PPP1R12C: variants seen among roughly 807,000 people sequenced by gnomAD.
PPP1R12C encodes the protein protein phosphatase 1 regulatory subunit 12C, also known as leukocyte receptor cluster (LRC) encoded novel gene 3.
PPP1R12C carries 48 observed loss-of-function variants against 95.6 expected under a neutral mutation model. The observed-to-expected ratio is 0.50, with a 90% CI of 0.40 to 0.64. The LOEUF (loss-of-function observed/expected upper bound fraction) is 0.64, where lower values mean the gene tolerates loss of function less well. Among genes scored for constraint, PPP1R12C ranks in the 30% least tolerant of loss-of-function variants. The probability of loss-of-function intolerance (pLI) is 0.00; values close to 1 mark genes in which losing one functional copy is unlikely to be tolerated. For missense variants in PPP1R12C, 1,057 were observed against 1,083.3 expected (o/e 0.98, Z 0.34); for synonymous variants, 480 against 460.8 (o/e 1.04, Z -0.53).
rs2084977743 is a variant in PPP1R12C, at chr19:55,101,419, C to G, written c.731+1990G>C. Among the ~76,000 whole-genome samples the G allele has an allele frequency of 2.6e-5, 4 of 152,224 alleles. No individual in the cohort carries two copies. The South Asian group carries it at 8.3e-4, about 32-fold the overall frequency. ...TACTAACAGTACCCACACAGGCCCC[C>G]TGGCCGGACACAGGCCACCCAGCTG... On this transcript the variant is annotated intron_variant, in intron 4 of 21. Transcript: ENST00000263433.
At chr19:55,112,316 CA>C in intron 3 of PPP1R12C, 150 bp downstream of exon 3, 1 of 684,860 alleles carries the variant, frequency 1.5e-6, no homozygotes, top group Non-Finnish European at 2.4e-6. Context: ...CCTACACCCC[CA>C]TTTCACAGGT....
rs1439924623 is a variant in PPP1R12C at position 55,092,997 on chromosome 19, C to A, written c.1825+19G>T. 1.3e-6 allele frequency: 2 copies of A among 1,567,342 alleles called. No individual in the cohort carries two copies. The highest frequency in any genetic ancestry group is 2.7e-5 in the African/African-American group (2 of 73,698). On this transcript the variant is annotated intron_variant, in intron 15 of 21. Transcript: ENST00000263433. ...CTGGATGATTCCCTGGGAATGACCT[C>A]CCCGAGAGCAGACCTCACCTCTCTG...
At position 55,109,032 on chromosome 19, in the gene PPP1R12C, C is replaced by A. The variant is rs538592940; in HGVS notation, c.571+3435G>T. On this transcript the variant is annotated intron_variant, in intron 3 of 21. Transcript: ENST00000263433. This position sits in a 1 kb window ranked among gnomAD's most constrained non-coding sequence, Gnocchi z 4.4. ...ATGGGCCACATGTTGATTTTCCATTCATTCGATGATGGGCACTAGGTTGCT... is the reference window on the plus strand; with the variant it reads ...ATGGGCCACATGTTGATTTTCCATTAATTCGATGATGGGCACTAGGTTGCT... 1.3e-5 allele frequency among the ~76,000 whole-genome samples: 2 copies of A among 152,174 alleles called. No individual in the cohort carries two copies. The highest frequency in any genetic ancestry group is 4.8e-5 in the African/African-American group (2 of 41,436).
intron 14 of PPP1R12C, 23 bp from the exon 15 acceptor site, chr19:55,093,099 C>G (rs150236000): frequency 6.2e-7 from 1 of 1,612,256 alleles, no homozygotes; most frequent in Non-Finnish European, 8.5e-7. Flanking sequence ...GGAGGCGAGT[C>G]AGGGAAGCAG....
chr19:55,099,191 C>A, intron 4 of PPP1R12C, 96 bp from the exon 5 acceptor site: 4 of 1,369,156 alleles, frequency 2.9e-6, no homozygotes, highest in Non-Finnish European at 3.9e-6. Context: ...TCCCAGGCCA[C>A]GAGACTGAAA....
intron 1 of PPP1R12C, chr19:55,113,071 T>G (rs2085115735): frequency 1.8e-6 from 1 of 561,250 alleles, no homozygotes; most frequent in African/African-American, 1.9e-5. Flanking sequence ...GCTTCTCATC[T>G]GGGTGCGGGA....
At chr19:55,098,732 AGCTGAGGG>A in intron 6 of PPP1R12C, 44 bp downstream of exon 6, 1 of 1,601,188 alleles carries the variant, frequency 6.2e-7, no homozygotes, top group South Asian at 1.1e-5. Context: ...TCCTCTGAGG[AGCTGAGGG>A]GACATGGGGA....
intron 3 of PPP1R12C, among the ~76,000 whole-genome samples, chr19:55,104,132 C>T (rs527900330): frequency 3.7e-5 from 5 of 134,174 alleles, no homozygotes; most frequent in African/African-American, 1.4e-4. Flanking sequence ...CACTGCACTC[C>T]AGCCTGGGCA....
intron 1 of PPP1R12C, chr19:55,113,244 G>C: frequency 1.7e-6 from 1 of 581,110 alleles, no homozygotes; most frequent in South Asian, 3.6e-5. Flanking sequence ...GTCCTTCCAA[G>C]GGTCAAGCTC....
intron 3 of PPP1R12C, among the ~76,000 whole-genome samples, chr19:55,108,108 A>G (rs1041336141): frequency 6.6e-6 from 1 of 151,748 alleles, no homozygotes; most frequent in Non-Finnish European, 1.5e-5. Context: ...GCTAACTTTT[A>G]TATTTTCAGC....
chr19:55,117,151 A>C, intron 1 of PPP1R12C, 72 bp downstream of exon 1: 1 of 1,149,544 alleles, frequency 8.7e-7, no homozygotes, highest in Non-Finnish European at 1.1e-6. Context: ...GGCAACGGGG[A>C]AGGAGGATGC....
At position 55,107,689 on chromosome 19, in the gene PPP1R12C, G is replaced by A. The variant is rs1001259831; in HGVS notation, c.572-4121C>T. Among the ~76,000 whole-genome samples the A allele has an allele frequency of 8.2e-5, 11 of 134,906 alleles. No homozygotes were observed. The South Asian group carries it at 2.0e-3, about 24-fold the overall frequency. 88.5% of individuals were successfully genotyped at this position (134,906 alleles called of 152,430 possible). A position where few individuals can be genotyped will look rare whatever the true frequency, so the allele number is the denominator to read the frequency against. ...CACAGGAAGGGGAACATCACACACT[G>A]GGGCCTGTCGTGGGGTGGGGGGAGG... On this transcript the variant is annotated intron_variant, in intron 3 of 21. Coordinates refer to ENST00000263433, the MANE Select transcript of PPP1R12C (RefSeq NM_017607.4).
At chr19:55,093,348 C>G in intron 13 of PPP1R12C, 115 bp from the exon 14 acceptor site, 1 of 118,696 alleles carries the variant, frequency 8.4e-6, no homozygotes, top group Non-Finnish European at 1.6e-5. Flanking sequence ...GAGCCCAGAC[C>G]CCAGCCCCTC....
At chr19:55,113,980 G>A (rs45620341) in intron 1 of PPP1R12C, 27,694 of 148,246 alleles carry the variant, frequency 0.19, 2,641 homozygotes, top group Middle Eastern at 0.31. Context: ...CAGCCCTTCC[G>A]CCCTCAGATG....
intron 4 of PPP1R12C, among the ~76,000 whole-genome samples, chr19:55,100,324 G>A (rs1026480755): frequency 3.3e-5 from 5 of 152,172 alleles, no homozygotes; most frequent in Admixed American, 1.3e-4. Context: ...GACATTTTTG[G>A]TTCTCACAAC....
At chr19:55,096,723 C>T (rs187991819) in intron 6 of PPP1R12C, 5 of 374,608 alleles carry the variant, frequency 1.3e-5, no homozygotes, top group East Asian at 6.8e-5. Flanking sequence ...CCTCCTTCCC[C>T]GCGCAGTTCA....
chr19:55,108,474 TAAA>T (rs888629504), intron 3 of PPP1R12C, among the ~76,000 whole-genome samples: 4 of 151,984 alleles, frequency 2.6e-5, no homozygotes, highest in Admixed American at 6.6e-5. Context: ...ACAAAAAATA[TAAA>T]AATCATTTTA....
intron 20 of PPP1R12C, 67 bp from the exon 21 acceptor site, chr19:55,091,767 A>T: frequency 1.2e-6 from 2 of 1,612,386 alleles, no homozygotes; most frequent in Non-Finnish European, 1.7e-6. Flanking sequence ...GCCAGGGGCC[A>T]GCTGGGAAGG....
At chr19:55,095,967 C>T (rs962449695) in intron 8 of PPP1R12C, 27 bp from the exon 9 acceptor site, 8 of 1,610,110 alleles carry the variant, frequency 5.0e-6, no homozygotes, top group African/African-American at 2.7e-5. Flanking sequence ...CCGGGCAGGT[C>T]ACAGAAGATG....
Sources: gnomAD v4.1 joint callset for allele counts (sites outside exome capture counted in the v4.1 genomes callset) on GRCh38, gnomAD v4.1.1 for gene constraint, Gnocchi (gnomAD v3.1) non-coding constraint, MANE v1.5 for transcripts, NCBI Gene and HGNC (gene_info 2026-07-23, HGNC 2026-07-21) for gene names.